The following ZFHX4 variants were observed in gnomAD, a reference collection of about 807,000 sequenced individuals.
ZFHX4 encodes zinc finger homeobox 4.
In ZFHX4, 56 loss-of-function variants were observed where a neutral mutation model predicts 267.6. The ratio of observed to expected loss-of-function variants is 0.21; its 90% CI spans 0.17 to 0.26. The LOEUF (loss-of-function observed/expected upper bound fraction) is 0.26. ZFHX4 is among the 10% of genes least tolerant of loss of function. The probability of loss-of-function intolerance (pLI) is 1.00; values close to 1 mark genes in which losing one functional copy is unlikely to be tolerated. For synonymous variants in ZFHX4, 1,778 were observed against 1,665.6 expected (o/e 1.07, Z -1.64); for missense variants, 4,332 against 4,420.0 (o/e 0.98, Z 0.56).
At chr8:76,801,296 AG>A (rs1811111251) in intron 4 of ZFHX4, among the ~76,000 whole-genome samples, 1 of 152,244 alleles carries the variant, frequency 6.6e-6, no homozygotes, top group African/African-American at 2.4e-5. Context: ...GCCTTAAAAA[AG>A]AAAGGCAGGA....
At chr8:76,797,335 C>T (rs1342384334) in intron 4 of ZFHX4, among the ~76,000 whole-genome samples, 9 of 152,086 alleles carry the variant, frequency 5.9e-5, no homozygotes. Context: ...CGCTGATAAA[C>T]CTAAAAAGAG....
At chr8:76,823,012 A>T (rs146976179) in intron 4 of ZFHX4, among the ~76,000 whole-genome samples, 189 of 152,034 alleles carry the variant, frequency 1.2e-3, no homozygotes, top group Non-Finnish European at 2.4e-3. Flanking sequence ...TTTTCTCTTG[A>T]CCTAATCTTG....
At chr8:76,721,086 G>T (rs543472860) in intron 3 of ZFHX4, among the ~76,000 whole-genome samples, 38 of 152,242 alleles carry the variant, frequency 2.5e-4, no homozygotes, top group African/African-American at 7.2e-4. Context: ...TGGTCTTTGA[G>T]GGGGACATGT....
chr8:76,804,800 G>A (rs749311319), intron 4 of ZFHX4, among the ~76,000 whole-genome samples: 1 of 152,048 alleles, frequency 6.6e-6, no homozygotes, highest in African/African-American at 2.4e-5. Context: ...AGGTCATGGC[G>A]AAATTCCACA....
At chr8:76,693,740 A>G (rs1807883245) in intron 1 of ZFHX4, among the ~76,000 whole-genome samples, 1 of 152,206 alleles carries the variant, frequency 6.6e-6, no homozygotes, top group Non-Finnish European at 1.5e-5. Context: ...CTGAAAGGTG[A>G]AAGCTTGCAG....
Position 76,728,261 on chromosome 8 carries a change from C to T in ZFHX4, c.3093+20213C>T, listed in dbSNP as rs181435588. Among the ~76,000 whole-genome samples the T allele has an allele frequency of 8.9e-4, 135 of 152,246 alleles. No homozygotes were observed. The Middle Eastern group carries it at 0.02, about 23-fold the overall frequency. On this transcript the variant is annotated intron_variant, in intron 3 of 10. Coordinates refer to ENST00000651372, the MANE Select transcript of ZFHX4 (RefSeq NM_024721.5). ...TGTAATAGCTTTCCCATCCTGGTCACGGTTAAATCATGTTGTGGAGGTGGA... is the reference window on the plus strand; with the variant it reads ...TGTAATAGCTTTCCCATCCTGGTCATGGTTAAATCATGTTGTGGAGGTGGA...
chr8:76,849,893 A>T, intron 8 of ZFHX4, 181 bp downstream of exon 8: 1 of 658,940 alleles, frequency 1.5e-6, no homozygotes, highest in South Asian at 2.0e-5. Context: ...TTGGAAAAAA[A>T]TATGGTACAA....
intron 4 of ZFHX4, among the ~76,000 whole-genome samples, chr8:76,787,427 C>T (rs947752798): frequency 1.2e-4 from 18 of 152,020 alleles, no homozygotes; most frequent in Admixed American, 1.1e-3. Context: ...CTCTGAGTTT[C>T]AAAACCACAG....
In ZFHX4 at chr8:76,742,168, G is replaced by A. The variant is rs533943200; in HGVS notation, c.3093+34120G>A. Among the ~76,000 whole-genome samples the A allele has an allele frequency of 3.9e-5, 6 of 152,290 alleles. No homozygotes were observed. The South Asian group carries it at 6.2e-4, about 16-fold the overall frequency. On this transcript the variant is annotated intron_variant, in intron 3 of 10. Transcript: ENST00000651372. The stretch of plus-strand genomic sequence containing the variant: ...GTTAAGTAGTGGTTAGAAAAAGGAC[G>A]TTTGGATGGTGTAGATATGCTTGTT...
In ZFHX4 at chr8:76,855,883, A is replaced by G; in HGVS notation, c.8962A>G (p.Lys2988Glu). The G allele has an allele frequency of 6.2e-7, 1 of 1,613,888 alleles. No individual in the cohort carries two copies. Among genetic ancestry groups the G allele is most frequent in the Non-Finnish European group, 8.5e-7 (1 of 1,179,840 alleles). Residue 2988 changes from lysine (K) to glutamate (E), a missense_variant, in exon 10 of 11, where the codon AAA becomes GAA. Physicochemically the swap from Lys to Glu is moderately conservative, Grantham distance 56 (BLOSUM62 1). Coordinates refer to ENST00000651372, the MANE Select transcript of ZFHX4 (RefSeq NM_024721.5). ...QNARAKEKKFKINIGKPFMIN... is the reference protein window; with the variant it reads ...QNARAKEKKFEINIGKPFMIN... The stretch of plus-strand genomic sequence containing the variant: ...TGCAAGGGCAAAGGAAAAGAAATTT[A>G]AAATTAACATAGGGAAGCCTTTCAT...
At position 76,849,551 on chromosome 8, in the gene ZFHX4, C is replaced by G; in HGVS notation, c.3685C>G (p.Gln1229Glu). Residue 1229 changes from glutamine (Q) to glutamate (E), a missense_variant, in exon 8 of 11, where the codon CAA becomes GAA. Gln to Glu is a conservative substitution (Grantham distance 29, BLOSUM62 2). Coordinates refer to ENST00000651372, the MANE Select transcript of ZFHX4 (RefSeq NM_024721.5). ...TTATTGTAACTACAATAGTAGGGAC[C>G]AAAGTCGTATCCAGATGCACGTCCT... The part of the protein sequence containing the change: ...CPYCNYNSRD[Q>E]SRIQMHVLSQ... 6.2e-7 allele frequency: 1 copy of G among 1,613,910 alleles called. No homozygotes were observed.
In ZFHX4 at chr8:76,787,399, A is replaced by G. The variant is rs115435565; in HGVS notation, c.3325+8960A>G. ...AGGTAGTGATACTCCAGATGAAGTA[A>G]AACCTGGGAAGCAAAGGCTCTGAGT... On this transcript the variant is annotated intron_variant, in intron 4 of 10. Transcript: ENST00000651372. Among the ~76,000 whole-genome samples the G allele has an allele frequency of 2.4e-3, 367 of 152,240 alleles. 1 individual carries two copies. The highest frequency in any genetic ancestry group is 8.5e-3 in the African/African-American group (354 of 41,536).
chr8:76,845,560 C>T (rs1208512754), intron 6 of ZFHX4, among the ~76,000 whole-genome samples: 2 of 151,838 alleles, frequency 1.3e-5, no homozygotes, highest in African/African-American at 4.8e-5. Context: ...CTGTTATATC[C>T]AAGTTTTATA....
chr8:76,683,978 T>A, intron 1 of ZFHX4: 1 of 151,406 alleles, frequency 6.6e-6, no homozygotes, highest in East Asian at 1.9e-4. Flanking sequence ...CTCGGTGCCA[T>A]CAACACTTGT....
At chr8:76,691,957 T>C (rs1029314348) in intron 1 of ZFHX4, among the ~76,000 whole-genome samples, 1 of 152,066 alleles carries the variant, frequency 6.6e-6, no homozygotes, top group Admixed American at 6.6e-5. Flanking sequence ...AATTTGGCAA[T>C]GGATATGTCT....
At chr8:76,701,928 T>C (rs1035480208) in intron 1 of ZFHX4, among the ~76,000 whole-genome samples, 3 of 152,166 alleles carry the variant, frequency 2.0e-5, no homozygotes, top group African/African-American at 7.2e-5. Context: ...TTCACCACCT[T>C]GCATTCATTC....
At chr8:76,788,310 G>A (rs1357185090) in intron 4 of ZFHX4, among the ~76,000 whole-genome samples, 2 of 152,118 alleles carry the variant, frequency 1.3e-5, no homozygotes, top group Non-Finnish European at 2.9e-5. Flanking sequence ...TTATAGGCTA[G>A]CATTTATTCT....
chr8:76,791,491 A>T (rs1409056915), intron 4 of ZFHX4, among the ~76,000 whole-genome samples: 1 of 152,152 alleles, frequency 6.6e-6, no homozygotes, highest in Non-Finnish European at 1.5e-5. Context: ...AATGATATTA[A>T]TATCATATTG....
chr8:76,690,301 G>T (rs1464369969), intron 1 of ZFHX4, among the ~76,000 whole-genome samples: 1 of 151,986 alleles, frequency 6.6e-6, no homozygotes, highest in Non-Finnish European at 1.5e-5. Context: ...TTCCTTCACT[G>T]TAAAGAAGAA....
Sources: gnomAD v4.1 joint callset for allele counts (sites outside exome capture counted in the v4.1 genomes callset) on GRCh38, gnomAD v4.1.1 for gene constraint, MANE v1.5 for transcripts, NCBI Gene and HGNC (gene_info 2026-07-23, HGNC 2026-07-21) for gene names.